CTNND2: variants seen among roughly 807,000 people sequenced by gnomAD.
The protein encoded by CTNND2 is catenin delta-2.
A neutral mutation model predicts 144.4 loss-of-function variants in CTNND2; 22 were observed. The ratio of observed to expected loss-of-function variants is 0.15; its 90% confidence interval spans 0.11 to 0.22. The LOEUF is 0.22. CTNND2 is among the 10% of genes least tolerant of loss of function. The pLI, the probability that CTNND2 is intolerant of heterozygous loss-of-function variation, is 1.00. For missense variants in CTNND2, 1,353 were observed against 1,618.8 expected (o/e 0.84, Z 2.82); for synonymous variants, 751 against 695.6 (o/e 1.08, Z -1.25).
intron 2 of CTNND2, among the ~76,000 whole-genome samples, chr5:11,700,770 G>A (rs968170434): frequency 2.6e-5 from 4 of 152,152 alleles, no homozygotes; most frequent in Non-Finnish European, 1.5e-5. Context: ...GGTAGCTGAG[G>A]AAAAGAAGAG....
chr5:11,095,232 T>C (rs537945752), intron 15 of CTNND2, among the ~76,000 whole-genome samples: 4 of 152,198 alleles, frequency 2.6e-5, no homozygotes, highest in Non-Finnish European at 5.9e-5. Context: ...CACGGAAATC[T>C]CAGCACAGTA....
intron 1 of CTNND2, among the ~76,000 whole-genome samples, chr5:11,838,761 T>C (rs1386952104): frequency 6.6e-6 from 1 of 152,312 alleles, no homozygotes; most frequent in East Asian, 1.9e-4. Context: ...CATTTCAATG[T>C]CTTTGATATT....
chr5:11,365,405 A>C (rs563159298), intron 7 of CTNND2, among the ~76,000 whole-genome samples: 36 of 152,362 alleles, frequency 2.4e-4, no homozygotes, highest in African/African-American at 8.4e-4. Flanking sequence ...AACTTACAAC[A>C]GCCTAAATCC....
chr5:11,162,188 CAG>C (rs538463904), intron 11 of CTNND2, among the ~76,000 whole-genome samples: 45 of 152,070 alleles, frequency 3.0e-4, no homozygotes, highest in Middle Eastern at 3.4e-3. Context: ...AACAAAATAG[CAG>C]AGAGAAACCT....
chr5:10,984,961 C>G (rs761930090), intron 20 of CTNND2, among the ~76,000 whole-genome samples: 38 of 152,200 alleles, frequency 2.5e-4, no homozygotes, highest in Admixed American at 7.2e-4. Flanking sequence ...GTAATCCCAG[C>G]TACTCGAAAC....
At chr5:11,273,191 C>T (rs1746196308) in intron 9 of CTNND2, among the ~76,000 whole-genome samples, 1 of 152,096 alleles carries the variant, frequency 6.6e-6, no homozygotes, top group Non-Finnish European at 1.5e-5. Context: ...AGAATATTTG[C>T]CATCTGGCCC....
At chr5:11,552,665 T>C (rs1275996910) in intron 3 of CTNND2, among the ~76,000 whole-genome samples, 1 of 152,178 alleles carries the variant, frequency 6.6e-6, no homozygotes, top group African/African-American at 2.4e-5. Flanking sequence ...CACAATCTTC[T>C]AGCACTCACT....
At chr5:11,066,438 C>G (rs1467488840) in intron 16 of CTNND2, among the ~76,000 whole-genome samples, 1 of 152,094 alleles carries the variant, frequency 6.6e-6, no homozygotes, top group Non-Finnish European at 1.5e-5. Flanking sequence ...TTAAATTTAC[C>G]TACAGCCCCC....
chr5:11,655,137 T>G (rs1782844466), intron 2 of CTNND2, among the ~76,000 whole-genome samples: 1 of 152,112 alleles, frequency 6.6e-6, no homozygotes, highest in Non-Finnish European at 1.5e-5. Flanking sequence ...TTATATTGTT[T>G]TAAAGAATGT....
At chr5:11,244,420 G>T (rs1742780545) in intron 9 of CTNND2, among the ~76,000 whole-genome samples, 1 of 151,490 alleles carries the variant, frequency 6.6e-6, no homozygotes, top group African/African-American at 2.4e-5. Flanking sequence ...GAGTAGCTTG[G>T]ATTACAGGCA....
intron 12 of CTNND2, among the ~76,000 whole-genome samples, chr5:11,140,142 G>A (rs934372443): frequency 1.3e-5 from 2 of 152,096 alleles, no homozygotes; most frequent in Non-Finnish European, 2.9e-5. Context: ...CAGGTTTTTG[G>A]TGATTAGCAC....
chr5:11,407,006 TA>T (rs143019166), intron 5 of CTNND2, among the ~76,000 whole-genome samples: 28,758 of 152,070 alleles, frequency 0.19, 5,605 homozygotes, highest in African/African-American at 0.5. Context: ...ACATACGAGT[TA>T]TTTTTTTCCA....
intron 2 of CTNND2, among the ~76,000 whole-genome samples, chr5:11,587,272 C>A (rs1250177171): frequency 2.0e-5 from 3 of 152,028 alleles, no homozygotes; most frequent in East Asian, 1.9e-4. Context: ...TTTCTAAATC[C>A]ATAGCATTGA....
In CTNND2 at chr5:11,033,442, TA is replaced by T. The variant is rs200429963; in HGVS notation, c.2789-10464del. Reference sequence around the variant, plus strand: ...AATTTGATTGGCTTATGTAAACAAGTAAGTCCTTGTATATGTAATTACAACA... The same window carrying T: ...AATTTGATTGGCTTATGTAAACAAGTAGTCCTTGTATATGTAATTACAACA... On this transcript the variant is annotated intron_variant, in intron 16 of 21. Coordinates refer to ENST00000304623, the MANE Select transcript of CTNND2 (RefSeq NM_001332.4). 5.2e-4 allele frequency among the ~76,000 whole-genome samples: 79 copies of T among 152,338 alleles called. No individual in the cohort carries two copies. The East Asian group carries it at 0.014, about 26-fold the overall frequency.
At chr5:11,409,817 C>T (rs1384621697) in intron 5 of CTNND2, among the ~76,000 whole-genome samples, 1 of 152,040 alleles carries the variant, frequency 6.6e-6, no homozygotes, top group Non-Finnish European at 1.5e-5. Flanking sequence ...CTCATAACTA[C>T]TTTCTTTGTT....
At chr5:11,052,101 A>G (rs959879689) in intron 16 of CTNND2, among the ~76,000 whole-genome samples, 6 of 152,130 alleles carry the variant, frequency 3.9e-5, no homozygotes, top group Non-Finnish European at 8.8e-5. Flanking sequence ...GGGTGGAGGA[A>G]TTGAAGAGGG....
chr5:11,323,064 G>A (rs1307799260), intron 9 of CTNND2, among the ~76,000 whole-genome samples: 1 of 152,114 alleles, frequency 6.6e-6, no homozygotes, highest in Non-Finnish European at 1.5e-5. Context: ...TCTGAGTCAG[G>A]ATCTTGCTGT....
chr5:11,596,037 G>A (rs1163998193), intron 2 of CTNND2, among the ~76,000 whole-genome samples: 2 of 152,112 alleles, frequency 1.3e-5, no homozygotes, highest in African/African-American at 2.4e-5. Flanking sequence ...ATGCACACAC[G>A]CAAGCGCAAC....
intron 9 of CTNND2, among the ~76,000 whole-genome samples, chr5:11,280,230 C>T (rs955510424): frequency 3.3e-5 from 5 of 152,116 alleles, no homozygotes; most frequent in East Asian, 1.9e-4. Context: ...AACAGAGACA[C>T]AGGACAGAAA....
Sources: gnomAD v4.1 joint callset for allele counts (sites outside exome capture counted in the v4.1 genomes callset) on GRCh38, gnomAD v4.1.1 for gene constraint, MANE v1.5 for transcripts, NCBI Gene and HGNC (gene_info 2026-07-23, HGNC 2026-07-21) for gene names.